Variants in MBOAT2 observed in about 807,000 individuals in gnomAD.
MBOAT2 encodes membrane-bound glycerophospholipid O-acyltransferase 2.
A neutral mutation model predicts 63.4 loss-of-function variants in MBOAT2; 28 were observed. That is an observed-to-expected ratio of 0.44 (90% confidence interval 0.33 to 0.61). The LOEUF is 0.61. Ranked by LOEUF, MBOAT2 falls within the 20% of genes least tolerant of loss-of-function variation. The probability of loss-of-function intolerance (pLI) is 0.03; values close to 1 mark genes in which losing one functional copy is unlikely to be tolerated. For missense variants in MBOAT2, 470 were observed against 605.8 expected (o/e 0.78, Z 2.35); for synonymous variants, 211 against 215.6 (o/e 0.98, Z 0.19).
At chr2:8,969,207 G>A (rs1288394918) in intron 1 of MBOAT2, among the ~76,000 whole-genome samples, 1 of 151,958 alleles carries the variant, frequency 6.6e-6, no homozygotes, top group African/African-American at 2.4e-5. Context: ...AGAGAGTGGG[G>A]GCCAATATTC....
chr2:8,962,364 A>G (rs1012976864), intron 1 of MBOAT2, among the ~76,000 whole-genome samples: 1 of 152,220 alleles, frequency 6.6e-6, no homozygotes, highest in African/African-American at 2.4e-5. Flanking sequence ...CTTTAGTACC[A>G]GTCACCTATA....
chr2:8,947,128 CT>C (rs1668473979), intron 2 of MBOAT2, among the ~76,000 whole-genome samples: 1 of 152,214 alleles, frequency 6.6e-6, no homozygotes, highest in Non-Finnish European at 1.5e-5. Context: ...AACAGCATTG[CT>C]GCTAATACAG....
chr2:8,892,410 G>A (rs1664068620), intron 4 of MBOAT2, among the ~76,000 whole-genome samples: 2 of 152,006 alleles, frequency 1.3e-5, no homozygotes, highest in African/African-American at 4.8e-5. Context: ...AGAGATAATG[G>A]AAAAGTCCAT....
intron 4 of MBOAT2, among the ~76,000 whole-genome samples, chr2:8,894,155 G>A (rs534394480): frequency 6.6e-6 from 1 of 152,088 alleles, no homozygotes; most frequent in Admixed American, 6.6e-5. Flanking sequence ...CTGTGTCCAC[G>A]TGTTCTCATG....
chr2:8,915,390 G>A (rs1214112426), intron 3 of MBOAT2, among the ~76,000 whole-genome samples: 1 of 152,140 alleles, frequency 6.6e-6, no homozygotes, highest in East Asian at 1.9e-4. Flanking sequence ...GATGGCTGCT[G>A]TAGCAGCCAT....
intron 2 of MBOAT2, among the ~76,000 whole-genome samples, chr2:8,944,995 G>T (rs1485358410): frequency 6.6e-6 from 1 of 152,098 alleles, no homozygotes; most frequent in Non-Finnish European, 1.5e-5. Flanking sequence ...GGAAAAAAGT[G>T]TTCCTTTGCT....
In MBOAT2 at chr2:8,858,624, A is replaced by T; in HGVS notation, c.*55T>A. The stretch of plus-strand genomic sequence containing the variant: ...AACTCAAACCCCTTGAAAAGGTGCT[A>T]AGATTGGTTTCTGTTAACATCAAAA... On this transcript the variant is annotated 3_prime_UTR_variant, in exon 13 of 13. Coordinates refer to ENST00000305997, the MANE Select transcript of MBOAT2 (RefSeq NM_138799.4). The T allele has an allele frequency of 7.5e-7, 1 of 1,329,802 alleles. No homozygotes were observed. Among genetic ancestry groups the T allele is most frequent in the Non-Finnish European group, 1.0e-6 (1 of 956,938 alleles). 82.4% of individuals were successfully genotyped at this position (1,329,802 alleles called of 1,614,324 possible). A position where few individuals can be genotyped will look rare whatever the true frequency, so the allele number is the denominator to read the frequency against.
At position 9,003,459 on chromosome 2, in the gene MBOAT2, C is replaced by G. The variant is rs1672858878; in HGVS notation, c.75+81G>C. 1 of 983,976 alleles carries G rather than the reference C, an allele frequency of 1.0e-6. No individual in the cohort carries two copies. Among genetic ancestry groups the G allele is most frequent in the Non-Finnish European group, 1.3e-6 (1 of 787,618 alleles). The allele number at this position is 983,976 out of a possible 1,614,324, so 61.0% of individuals were successfully genotyped here. ...GCCCGGCCCCAGCCCCCACCCTCCT[C>G]CCGGGCCCCCGGTCGGGTGGCACCG... On this transcript the variant is annotated intron_variant, in intron 1 of 12. Coordinates refer to ENST00000305997, the MANE Select transcript of MBOAT2 (RefSeq NM_138799.4). The surrounding 1 kb of genome is among the most constrained non-coding windows in gnomAD (Gnocchi z 5.4).
At chr2:8,937,442 G>A (rs1020592966) in intron 3 of MBOAT2, among the ~76,000 whole-genome samples, 4 of 152,200 alleles carry the variant, frequency 2.6e-5, no homozygotes, top group African/African-American at 9.7e-5. Context: ...TGCAGTCAAT[G>A]AGGACGAAAC....
chr2:8,999,569 C>A (rs1440927539), intron 1 of MBOAT2, among the ~76,000 whole-genome samples: 1 of 152,202 alleles, frequency 6.6e-6, no homozygotes. Context: ...AAATCCAGCA[C>A]ATCAGCAACT....
At position 8,873,163 on chromosome 2, in the gene MBOAT2, A is replaced by G; in HGVS notation, c.828T>C (p.Tyr276=). Reference sequence around the variant, plus strand: ...TGGCAGCCAAAAGAGAGATATACAGATAGATAATCTTTGTTGGCCACGAAG... The same window carrying G: ...TGGCAGCCAAAAGAGAGATATACAGGTAGATAATCTTTGTTGGCCACGAAG... ...ATASWPTKII[Y]LYISLLAARP... Residue 276 remains tyrosine, a synonymous_variant, in exon 8 of 13, where the codon TAT becomes TAC. Transcript: ENST00000305997. 1 of 1,614,182 alleles carries G rather than the reference A, an allele frequency of 6.2e-7. No homozygotes were observed. The highest frequency in any genetic ancestry group is 8.5e-7 in the Non-Finnish European group (1 of 1,180,026).
intron 6 of MBOAT2, among the ~76,000 whole-genome samples, chr2:8,880,645 G>T (rs370883045): frequency 1.3e-4 from 20 of 152,336 alleles, no homozygotes; most frequent in South Asian, 8.3e-4. Flanking sequence ...CAGGGCTGAG[G>T]CCAGGCTAGT....
chr2:8,992,949 C>T (rs1672020215), intron 1 of MBOAT2, among the ~76,000 whole-genome samples: 1 of 152,124 alleles, frequency 6.6e-6, no homozygotes, highest in Non-Finnish European at 1.5e-5. Context: ...GCCAGGCTTC[C>T]CTGGACTGGA....
intron 5 of MBOAT2, among the ~76,000 whole-genome samples, chr2:8,885,284 G>A (rs1663467939): frequency 6.6e-6 from 1 of 152,108 alleles, no homozygotes; most frequent in African/African-American, 2.4e-5. Context: ...GTTTCTGATG[G>A]TTCAATGTAC....
chr2:8,970,668 A>G (rs1003145101), intron 1 of MBOAT2, among the ~76,000 whole-genome samples: 1 of 152,204 alleles, frequency 6.6e-6, no homozygotes, highest in African/African-American at 2.4e-5. Context: ...AAACAGACAC[A>G]ATAAAAAATG....
At chr2:8,996,463 T>C (rs1672314420) in intron 1 of MBOAT2, among the ~76,000 whole-genome samples, 2 of 152,210 alleles carry the variant, frequency 1.3e-5, no homozygotes, top group Admixed American at 1.3e-4. Context: ...CTCTCTATTC[T>C]GTGCCCCCAA....
At chr2:8,925,123 G>GA (rs984295466) in intron 3 of MBOAT2, among the ~76,000 whole-genome samples, 66 of 151,770 alleles carry the variant, frequency 4.3e-4, no homozygotes, top group Non-Finnish European at 7.1e-4. Context: ...CCAGGACTTT[G>GA]AAAAAAAATG....
Position 8,862,776 on chromosome 2 carries a change from C to T in MBOAT2, c.1053-54G>A, listed in dbSNP as rs1373834928. On this transcript the variant is annotated intron_variant, in intron 10 of 12. Transcript: ENST00000305997. This position sits in a 1 kb window ranked among gnomAD's most constrained non-coding sequence, Gnocchi z 4.3. ...AAGTGGAGTGAGTGACCCGAGTTTACAAAGCCTGCAATGATCATTCTTTTA... is the reference window on the plus strand; with the variant it reads ...AAGTGGAGTGAGTGACCCGAGTTTATAAAGCCTGCAATGATCATTCTTTTA... 6.4e-7 allele frequency: 1 copy of T among 1,565,652 alleles called. No homozygotes were observed. Among genetic ancestry groups the T allele is most frequent in the Non-Finnish European group, 8.6e-7 (1 of 1,159,820 alleles).
At chr2:8,953,199 T>G (rs1485343713) in intron 2 of MBOAT2, among the ~76,000 whole-genome samples, 1 of 152,072 alleles carries the variant, frequency 6.6e-6, no homozygotes, top group African/African-American at 2.4e-5. Context: ...TAGAAAAGAG[T>G]CTAGTTCTCC....
Sources: gnomAD v4.1 joint callset for allele counts (sites outside exome capture counted in the v4.1 genomes callset) on GRCh38, gnomAD v4.1.1 for gene constraint, Gnocchi (gnomAD v3.1) non-coding constraint, MANE v1.5 for transcripts, NCBI Gene and HGNC (gene_info 2026-07-23, HGNC 2026-07-21) for gene names.